Variants in TMEM117 observed in about 807,000 individuals in gnomAD.
TMEM117 encodes the protein transmembrane protein 117.
A neutral mutation model predicts 52.4 loss-of-function variants in TMEM117; 27 were observed. The observed-to-expected ratio is 0.51, with a 90% CI of 0.38 to 0.71. The LOEUF is 0.71. Among genes scored for constraint, TMEM117 ranks in the 30% least tolerant of loss-of-function variants. The pLI is 0.00. For missense variants in TMEM117, 556 were observed against 630.5 expected, an observed-to-expected ratio of 0.88 and a Z score of 1.26; for synonymous variants, 215 against 206.3, an observed-to-expected ratio of 1.04 and a Z score of -0.36.
chr12:43,832,930 T>A (rs73280474), upstream of TMEM117, among the ~76,000 whole-genome samples: 2,169 of 152,344 alleles, frequency 0.014, 57 homozygotes, highest in African/African-American at 0.049. Flanking sequence ...CTTTTGTCAC[T>A]AATTGTTATT....
intron 3 of TMEM117, among the ~76,000 whole-genome samples, chr12:43,996,891 A>T (rs1946040354): frequency 6.6e-6 from 1 of 152,190 alleles, no homozygotes; most frequent in Non-Finnish European, 1.5e-5. Context: ...AGCAGTGGGA[A>T]CTTTCACTGG....
chr12:43,964,867 ATTAG>A (rs1194146515), intron 3 of TMEM117, among the ~76,000 whole-genome samples: 2 of 152,246 alleles, frequency 1.3e-5, no homozygotes, highest in Admixed American at 1.3e-4. Context: ...ATAGAAATAA[ATTAG>A]TTAAGTTATT....
intron 2 of TMEM117, among the ~76,000 whole-genome samples, chr12:43,852,202 C>T (rs193234901): frequency 9.8e-4 from 149 of 151,766 alleles, no homozygotes; most frequent in African/African-American, 3.2e-3. Context: ...GAGGCCGAGT[C>T]GGGCGGATCA....
chr12:44,182,546 C>T (rs1279966128), intron 4 of TMEM117, among the ~76,000 whole-genome samples: 9 of 152,124 alleles, frequency 5.9e-5, no homozygotes, highest in Non-Finnish European at 1.2e-4. Context: ...ATTGATGGGA[C>T]GTATTTCAAA....
chr12:43,817,394 A>AGAATATATACAT, the TMEM117 span, among the ~76,000 whole-genome samples: 2 of 152,244 alleles, frequency 1.3e-5, no homozygotes, highest in East Asian at 3.8e-4. Flanking sequence ...ATGATTGAAA[A>AGAATATATACAT]GAATATATAC....
intron 2 of TMEM117, among the ~76,000 whole-genome samples, chr12:43,906,648 C>A (rs149895998): frequency 1.3e-5 from 2 of 150,022 alleles, no homozygotes; most frequent in African/African-American, 2.5e-5. Context: ...GCACCATGCA[C>A]GAGCCAAAGC....
intron 3 of TMEM117, among the ~76,000 whole-genome samples, chr12:44,007,405 T>C (rs1297004905): frequency 6.6e-6 from 1 of 152,034 alleles, no homozygotes; most frequent in African/African-American, 2.4e-5. Flanking sequence ...AATTTCCTCT[T>C]TTTTTTTCTT....
At chr12:44,061,963 A>AT (rs1947145998) in intron 3 of TMEM117, among the ~76,000 whole-genome samples, 1 of 152,118 alleles carries the variant, frequency 6.6e-6, no homozygotes, top group East Asian at 1.9e-4. Flanking sequence ...ATGGAAGGGC[A>AT]TTTTTAAAGT....
At chr12:44,162,759 C>T (rs1311398666) in intron 4 of TMEM117, among the ~76,000 whole-genome samples, 1 of 152,130 alleles carries the variant, frequency 6.6e-6, no homozygotes, top group Non-Finnish European at 1.5e-5. Context: ...TGTCTTGCCT[C>T]CATTTCATAA....
rs1043024591 is a variant in TMEM117, at chr12:44,351,977, C to G, written c.769-24618C>G. 3.3e-5 allele frequency among the ~76,000 whole-genome samples: 5 copies of G among 151,924 alleles called. No individual in the cohort carries two copies. In the South Asian group the frequency reaches 1.0e-3, roughly 32 times the overall value. ...AGCTGAAATTGCATTTCCCAGCAAT[C>G]GCCCTCAGTACAGCCTTTATGCATT... On this transcript the variant is annotated intron_variant, in intron 6 of 7. Coordinates refer to ENST00000266534, the MANE Select transcript of TMEM117 (RefSeq NM_032256.3).
intron 3 of TMEM117, among the ~76,000 whole-genome samples, chr12:43,971,832 T>C (rs1945592403): frequency 6.6e-6 from 1 of 152,230 alleles, no homozygotes. Flanking sequence ...AGGCACAATG[T>C]TGTATAGCAG....
At chr12:44,205,628 A>G (rs1031179962) in intron 4 of TMEM117, among the ~76,000 whole-genome samples, 2 of 152,236 alleles carry the variant, frequency 1.3e-5, no homozygotes, top group African/African-American at 2.4e-5. Context: ...TATCAAAGGA[A>G]GACATACACA....
intron 6 of TMEM117, among the ~76,000 whole-genome samples, chr12:44,371,894 G>T (rs1253567734): frequency 6.6e-6 from 1 of 152,110 alleles, no homozygotes; most frequent in Non-Finnish European, 1.5e-5. Context: ...ATCCATATAT[G>T]TAAAAAATAA....
intron 6 of TMEM117, among the ~76,000 whole-genome samples, chr12:44,339,065 C>T (rs1951381052): frequency 6.6e-6 from 1 of 152,074 alleles, no homozygotes; most frequent in African/African-American, 2.4e-5. Flanking sequence ...AGCAAAATGA[C>T]TACCCTACCC....
Position 43,958,422 on chromosome 12 carries a change from A to C in TMEM117, c.410+14080A>C, listed in dbSNP as rs4768547. Among the ~76,000 whole-genome samples the C allele has an allele frequency of 1.8e-3, 269 of 152,340 alleles. 1 individual carries two copies. The highest frequency in any genetic ancestry group is 3.0e-3 in the Non-Finnish European group (205 of 68,018). The stretch of plus-strand genomic sequence containing the variant: ...ATACAAAGCCTTTTCCAGAGAATCA[A>C]TTACCAATATTAATACATCACTATG... On this transcript the variant is annotated intron_variant, in intron 3 of 7. Coordinates refer to ENST00000266534, the MANE Select transcript of TMEM117 (RefSeq NM_032256.3).
intron 3 of TMEM117, among the ~76,000 whole-genome samples, chr12:44,084,657 C>T (rs1288909363): frequency 6.6e-6 from 1 of 152,106 alleles, no homozygotes; most frequent in Admixed American, 6.6e-5. Context: ...CTTGAATTCC[C>T]AAGATCTGTC....
intron 3 of TMEM117, among the ~76,000 whole-genome samples, chr12:43,989,559 A>G (rs1425423443): frequency 1.3e-5 from 2 of 152,072 alleles, no homozygotes; most frequent in African/African-American, 2.4e-5. Context: ...ACATTTGGAT[A>G]TTAGAAATTT....
chr12:44,336,913 A>G (rs1042662164), intron 6 of TMEM117, among the ~76,000 whole-genome samples: 6 of 152,066 alleles, frequency 3.9e-5, no homozygotes, highest in African/African-American at 1.2e-4. Context: ...CTAAAAAGTA[A>G]TAATAATAAT....
chr12:44,327,303 G>A (rs952270067), intron 6 of TMEM117, among the ~76,000 whole-genome samples: 1 of 152,066 alleles, frequency 6.6e-6, no homozygotes, highest in Non-Finnish European at 1.5e-5. Context: ...AACTATCTTT[G>A]GTAATACAGT....
Sources: gnomAD v4.1 joint callset for allele counts (sites outside exome capture counted in the v4.1 genomes callset) on GRCh38, gnomAD v4.1.1 for gene constraint, MANE v1.5 for transcripts, NCBI Gene and HGNC (gene_info 2026-07-23, HGNC 2026-07-21) for gene names.